MFSD8: variants seen among roughly 807,000 people sequenced by gnomAD.
MFSD8 encodes the protein major facilitator superfamily domain-containing protein 8.
In MFSD8, 55 loss-of-function variants were observed where a neutral mutation model predicts 66.4. The observed-to-expected ratio is 0.83, with a 90% CI of 0.67 to 1.04. The LOEUF is 1.04. MFSD8 is among the 50% of genes least tolerant of loss of function. The pLI is 0.00. For missense variants in MFSD8, 550 were observed against 627.6 expected (o/e 0.88, Z 1.32); for synonymous variants, 202 against 212.8 (o/e 0.95, Z 0.44).
rs183777033 is a variant in MFSD8, at chr4:127,951,797, C to T, written c.155-1950G>A. Among the ~76,000 whole-genome samples the T allele has an allele frequency of 7.0e-3, 1,050 of 149,774 alleles. 13 individuals are homozygous for T. Among genetic ancestry groups the T allele is most frequent in the African/African-American group, 0.024 (989 of 40,606 alleles). On this transcript the variant is annotated intron_variant, in intron 2 of 11. Coordinates refer to ENST00000641686, the MANE Select transcript of MFSD8 (RefSeq NM_001371596.2). Reference sequence around the variant, plus strand: ...AGGCTGGAGTGCAGTGGCGCAATCTCGGCTCATTGCAATCTCCGCCTCCCG... The same window carrying T: ...AGGCTGGAGTGCAGTGGCGCAATCTTGGCTCATTGCAATCTCCGCCTCCCG...
intron 1 of MFSD8, among the ~76,000 whole-genome samples, chr4:127,963,215 T>A (rs1430665203): frequency 6.6e-6 from 1 of 152,210 alleles, no homozygotes; most frequent in Non-Finnish European, 1.5e-5. Context: ...TGGACAGATT[T>A]GTTAAACTAT....
chr4:127,932,833 G>A lies in MFSD8; in HGVS notation c.863+152C>T, dbSNP rs1400136867. The A allele has an allele frequency of 3.1e-5, 18 of 587,274 alleles. No individual in the cohort carries two copies. In the Middle Eastern group the frequency reaches 1.4e-3, roughly 46 times the overall value. The allele number at this position is 587,274 out of a possible 1,614,324, so 36.4% of individuals were successfully genotyped here. On this transcript the variant is annotated intron_variant, in intron 8 of 11. Coordinates refer to ENST00000641686, the MANE Select transcript of MFSD8 (RefSeq NM_001371596.2). ...ATAATTAACTACATTCAAGTTACAA[G>A]CAACAAAATGTATATACATTTTTTA...
intron 1 of MFSD8, among the ~76,000 whole-genome samples, chr4:127,960,100 G>A (rs1743498497): frequency 6.6e-6 from 1 of 152,178 alleles, no homozygotes; most frequent in East Asian, 1.9e-4. Flanking sequence ...TAGTACTACA[G>A]TTTTATCCTG....
At chr4:127,943,700 T>C in intron 4 of MFSD8, 52 bp downstream of exon 4, 1 of 1,611,546 alleles carries the variant, frequency 6.2e-7, no homozygotes, top group Non-Finnish European at 8.5e-7. Context: ...GAGCCATAAA[T>C]GTCAGAATGA....
Position 127,927,832 on chromosome 4 carries a change from G to A in MFSD8, c.998+2851C>T, listed in dbSNP as rs148185031. On this transcript the variant is annotated intron_variant, in intron 9 of 11. Coordinates refer to ENST00000641686, the MANE Select transcript of MFSD8 (RefSeq NM_001371596.2). ...CTCCCAAGTAGCTGGGACTACAGGC[G>A]TGCTCCATCATACCCAGCTAATTGT... is the stretch of plus-strand genomic sequence containing the variant. 9.7e-4 allele frequency among the ~76,000 whole-genome samples: 147 copies of A among 151,508 alleles called. 2 individuals carry two copies. The highest frequency in any genetic ancestry group is 3.3e-3 in the African/African-American group (135 of 41,298).
At chr4:127,960,586 C>G (rs1341006569) in intron 1 of MFSD8, among the ~76,000 whole-genome samples, 2 of 152,040 alleles carry the variant, frequency 1.3e-5, no homozygotes, top group Non-Finnish European at 2.9e-5. Flanking sequence ...AGTGACAGAA[C>G]AGTGTAGTGG....
rs1156864297 is a variant in MFSD8, at chr4:127,939,881, T to G, written c.670A>C (p.Asn224His). The G allele has an allele frequency of 6.2e-7, 1 of 1,613,380 alleles. No homozygotes were observed. The highest frequency in any genetic ancestry group is 8.5e-7 in the Non-Finnish European group (1 of 1,179,588). Residue 224 changes from asparagine (N) to histidine (H), a missense_variant, in exon 6 of 12, where the codon AAT (asparagine) becomes CAT (histidine). Coordinates refer to ENST00000641686, the MANE Select transcript of MFSD8 (RefSeq NM_001371596.2). ...VLLSAFLGIL[N>H]IILILAILRE... ...AGTATGGCAAGGATCAGAATAATAT[T>G]TAAAATTCCCAGGAAGGCGCTAAGT... is the stretch of plus-strand genomic sequence containing the variant.
intron 5 of MFSD8, 80 bp downstream of exon 5, chr4:127,941,965 T>C (rs994081517): frequency 8.9e-7 from 1 of 1,125,186 alleles, no homozygotes; most frequent in Non-Finnish European, 1.4e-6. Context: ...TGAGTTTTTA[T>C]ACTTGGGTTA....
At chr4:127,928,468 A>C (rs913071920) in intron 9 of MFSD8, among the ~76,000 whole-genome samples, 3 of 152,196 alleles carry the variant, frequency 2.0e-5, no homozygotes, top group African/African-American at 2.4e-5. Context: ...AAAGACATAT[A>C]AAAGGCCACT....
rs776286809 is a variant in MFSD8 at position 127,964,944 on chromosome 4, C to G, written c.62+128G>C. 3.5e-6 allele frequency: 4 copies of G among 1,134,702 alleles called. No individual in the cohort carries two copies. In the African/African-American group the frequency reaches 6.2e-5, roughly 17 times the overall value. The allele number at this position is 1,134,702 out of a possible 1,614,324, so 70.3% of individuals were successfully genotyped here. A position where few individuals can be genotyped will look rare whatever the true frequency, so the allele number is the denominator to read the frequency against. On this transcript the variant is annotated intron_variant, in intron 1 of 11. Transcript: ENST00000641686. ...AATCTCCTCGGCTCACACAACCCAG[C>G]CACCGGCTCCCACCGCGCTGGAACC...
intron 11 of MFSD8, 138 bp from the exon 12 acceptor site, chr4:127,920,974 T>C: frequency 1.3e-6 from 1 of 788,096 alleles, no homozygotes; most frequent in Non-Finnish European, 2.0e-6. Context: ...AAACATAAAA[T>C]GCCTCCTATA....
At position 127,920,488 on chromosome 4, in the gene MFSD8, T is replaced by C. The variant is rs1736188693; in HGVS notation, c.*142A>G. 2 of 789,956 alleles carry C rather than the reference T, an allele frequency of 2.5e-6. No individual in the cohort carries two copies. Among genetic ancestry groups the C allele is most frequent in the Non-Finnish European group, 4.4e-6 (2 of 454,850 alleles). The allele number at this position is 789,956 out of a possible 1,614,324, so 48.9% of individuals were successfully genotyped here. On this transcript the variant is annotated 3_prime_UTR_variant, in exon 12 of 12. Transcript: ENST00000641686. ...CAATGACATGTAGAATTCTCTCTGT[T>C]ATTCAACATATGTTCTTGTTCTTCA...
chr4:127,922,973 C>T (rs1578800535), intron 9 of MFSD8, among the ~76,000 whole-genome samples: 3 of 152,286 alleles, frequency 2.0e-5, no homozygotes, highest in Non-Finnish European at 1.5e-5. Context: ...CATATTCCCA[C>T]CTATAAAGTA....
At chr4:127,926,653 G>A (rs1010639262) in intron 9 of MFSD8, among the ~76,000 whole-genome samples, 5 of 152,074 alleles carry the variant, frequency 3.3e-5, no homozygotes, top group African/African-American at 4.8e-5. Context: ...ATAAATATAT[G>A]TCTATCTTAT....
At chr4:127,958,991 G>A (rs1743320121) in intron 1 of MFSD8, among the ~76,000 whole-genome samples, 1 of 152,154 alleles carries the variant, frequency 6.6e-6, no homozygotes, top group Non-Finnish European at 1.5e-5. Context: ...GCCCTCAAAT[G>A]TCACCCCAGT....
At chr4:127,932,765 CTTTTA>C in intron 8 of MFSD8, 2 of 425,130 alleles carry the variant, frequency 4.7e-6, no homozygotes, top group Non-Finnish European at 4.3e-6. Flanking sequence ...GAAACAGATT[CTTTTA>C]TAAGAAAATA....
intron 1 of MFSD8, among the ~76,000 whole-genome samples, chr4:127,964,379 C>T (rs1252862459): frequency 6.6e-6 from 1 of 152,238 alleles, no homozygotes; most frequent in African/African-American, 2.4e-5. Context: ...CGAGCCCTGC[C>T]CCGCGGGAAG....
At chr4:127,925,329 T>C (rs1315189944) in intron 9 of MFSD8, among the ~76,000 whole-genome samples, 1 of 152,168 alleles carries the variant, frequency 6.6e-6, no homozygotes, top group Non-Finnish European at 1.5e-5. Flanking sequence ...GAGAAAATTT[T>C]TGCAATCTAT....
chr4:127,953,957 T>C (rs766813822), intron 2 of MFSD8, among the ~76,000 whole-genome samples: 6 of 152,200 alleles, frequency 3.9e-5, no homozygotes. Flanking sequence ...ATGGAAAATA[T>C]ATGGAAAGCA....
Sources: gnomAD v4.1 joint callset for allele counts (sites outside exome capture counted in the v4.1 genomes callset) on GRCh38, gnomAD v4.1.1 for gene constraint, MANE v1.5 for transcripts, NCBI Gene and HGNC (gene_info 2026-07-23, HGNC 2026-07-21) for gene names.